Variants in PCNX1 observed in about 807,000 individuals in gnomAD.
The protein encoded by PCNX1 is pecanex 1.
Under a neutral mutation model 242.2 loss-of-function variants are expected in PCNX1, and 78 were observed. That is an observed-to-expected ratio of 0.32 (90% CI 0.27 to 0.39). The LOEUF is 0.39. Ranked by LOEUF, PCNX1 falls within the 10% of genes least tolerant of loss-of-function variation. The pLI is 1.00. For missense variants in PCNX1, 2,581 were observed against 2,856.5 expected, an observed-to-expected ratio of 0.90 and a Z score of 2.20; for synonymous variants, 1,024 against 1,032.9, an observed-to-expected ratio of 0.99 and a Z score of 0.17.
intron 26 of PCNX1, among the ~76,000 whole-genome samples, chr14:71,065,888 T>G (rs908080410): frequency 2.6e-5 from 4 of 152,186 alleles, no homozygotes; most frequent in African/African-American, 7.2e-5. Flanking sequence ...CCCCATTGCT[T>G]GTTTTTGTCA....
At chr14:71,071,219 G>A (rs2061578294) in intron 26 of PCNX1, among the ~76,000 whole-genome samples, 1 of 152,192 alleles carries the variant, frequency 6.6e-6, no homozygotes, top group Admixed American at 6.5e-5. Flanking sequence ...CTTCTCTCCA[G>A]ACCACTCAAA....
intron 10 of PCNX1, chr14:71,012,458 A>G (rs963167185): frequency 1.9e-5 from 3 of 159,650 alleles, no homozygotes; most frequent in Non-Finnish European, 4.2e-5. Flanking sequence ...ATTATTTACA[A>G]TAGGTTTATT....
At chr14:70,963,774 G>A (rs558685153) in intron 3 of PCNX1, among the ~76,000 whole-genome samples, 7 of 152,216 alleles carry the variant, frequency 4.6e-5, no homozygotes, top group African/African-American at 1.7e-4. Context: ...AACATGTACA[G>A]ATCTAAAATC....
chr14:71,097,964 T>C (rs1221198841), intron 30 of PCNX1, among the ~76,000 whole-genome samples: 2 of 152,234 alleles, frequency 1.3e-5, no homozygotes, highest in African/African-American at 4.8e-5. Flanking sequence ...TATTTGTATA[T>C]GGTGAAAGAT....
chr14:71,024,911 A>G (rs1361424580), intron 13 of PCNX1, among the ~76,000 whole-genome samples: 2 of 152,170 alleles, frequency 1.3e-5, no homozygotes, highest in Non-Finnish European at 2.9e-5. Flanking sequence ...ACTCTACTGT[A>G]ATGTTACTGT....
At position 70,978,250 on chromosome 14, in the gene PCNX1, G is replaced by C. The variant is rs777842298; in HGVS notation, c.1913G>C (p.Gly638Ala). The change falls in exon 6 of 36, where the codon GGC becomes GCC. Residue 638 changes from glycine (G) to alanine (A), a missense_variant. By Grantham distance (60) the Gly-to-Ala change is moderately conservative. This residue lies in a region of PCNX1 where 1,204 missense variants were observed against 1,216.7 expected (regional missense o/e 0.99). Transcript: ENST00000304743. ...TCTCATTCCTGTCAGTCTCCTGAGG[G>C]CAGATACAGTGCTCTAAAGACCAAA... ...TTSHSCQSPEGRYSALKTKHT... is the reference protein window; with the variant it reads ...TTSHSCQSPEARYSALKTKHT... 1 of 1,614,072 alleles carries C rather than the reference G, an allele frequency of 6.2e-7. No individual in the cohort carries two copies. Among genetic ancestry groups the C allele is most frequent in the Non-Finnish European group, 8.5e-7 (1 of 1,180,012 alleles).
At chr14:70,990,810 G>T (rs2059141869) in intron 7 of PCNX1, among the ~76,000 whole-genome samples, 2 of 152,056 alleles carry the variant, frequency 1.3e-5, no homozygotes, top group Admixed American at 1.3e-4. Context: ...TTTTCTTTCT[G>T]CTGATGGATT....
At chr14:71,003,243 C>G (rs947707315) in intron 8 of PCNX1, among the ~76,000 whole-genome samples, 3 of 151,824 alleles carry the variant, frequency 2.0e-5, no homozygotes, top group Non-Finnish European at 2.9e-5. Flanking sequence ...GCCACCGTGC[C>G]CAGCTATTTT....
chr14:70,948,678 T>C (rs536563987), intron 2 of PCNX1, among the ~76,000 whole-genome samples: 1 of 150,358 alleles, frequency 6.7e-6, no homozygotes. Flanking sequence ...TCTATATAGA[T>C]GTGTATATAT....
chr14:70,986,333 C>T (rs191453524), intron 6 of PCNX1, among the ~76,000 whole-genome samples: 2 of 152,276 alleles, frequency 1.3e-5, no homozygotes, highest in Admixed American at 1.3e-4. Context: ...TAACATTGTT[C>T]ACTGGATGCC....
chr14:70,995,767 A>G lies in PCNX1; in HGVS notation c.2471A>G (p.Gln824Arg). 6.2e-7 allele frequency: 1 copy of G among 1,614,108 alleles called. No individual in the cohort carries two copies. Among genetic ancestry groups the G allele is most frequent in the Admixed American group, 1.7e-5 (1 of 60,012 alleles). Reference sequence around the variant, plus strand: ...CTTCAAGATGGTCAGCAAGGCCAGCAGTCCACAGCCCAGGTCAAAGTCCAG... The same window carrying G: ...CTTCAAGATGGTCAGCAAGGCCAGCGGTCCACAGCCCAGGTCAAAGTCCAG... ...LSLQDGQQGQ[Q>R]STAQVKVQSR... is the part of the protein sequence containing the mutation. Residue 824 changes from glutamine (Q) to arginine (R), a missense_variant, in exon 8 of 36, where the codon CAG (glutamine) becomes CGG (arginine). Transcript: ENST00000304743.
intron 28 of PCNX1, among the ~76,000 whole-genome samples, chr14:71,083,795 T>A (rs144434200): frequency 9.2e-5 from 14 of 152,288 alleles, no homozygotes; most frequent in African/African-American, 2.6e-4. Context: ...GGTTAGAACA[T>A]GCTCCGTTAG....
chr14:70,921,903 A>C (rs1313423604), intron 1 of PCNX1, among the ~76,000 whole-genome samples: 1 of 152,138 alleles, frequency 6.6e-6, no homozygotes, highest in Non-Finnish European at 1.5e-5. Context: ...CAATATTTTT[A>C]ATTTGTCTAT....
intron 1 of PCNX1, among the ~76,000 whole-genome samples, chr14:70,932,162 A>T (rs958860831): frequency 6.6e-6 from 1 of 152,214 alleles, no homozygotes; most frequent in African/African-American, 2.4e-5. Flanking sequence ...CGAATAATCT[A>T]AATAAATTTA....
intron 19 of PCNX1, 48 bp downstream of exon 19, chr14:71,036,205 G>T (rs1441825482): frequency 1.7e-6 from 2 of 1,173,254 alleles, no homozygotes; most frequent in South Asian, 1.2e-5. Context: ...TTGAGACAGG[G>T]TCTCACTCTG....
chr14:71,053,392 A>T lies in PCNX1; in HGVS notation c.4577+1380A>T, dbSNP rs147579069. The T allele has an allele frequency of 9.7e-3, 3,964 of 408,714 alleles. 30 individuals are homozygous for T. The highest frequency in any genetic ancestry group is 0.013 in the Non-Finnish European group (2,641 of 209,796). The allele number at this position is 408,714 out of a possible 1,614,324, so 25.3% of individuals were successfully genotyped here. A position where few individuals can be genotyped will look rare whatever the true frequency, so the allele number is the denominator to read the frequency against. On this transcript the variant is annotated intron_variant, in intron 24 of 35. Coordinates refer to ENST00000304743, the MANE Select transcript of PCNX1 (RefSeq NM_014982.3). ...GAGTGCAATGGCGCCATCTTGATTC[A>T]CTGCAACCTCCGCCTCCCAGGTTCA...
chr14:71,113,511 G>C lies in PCNX1; in HGVS notation c.*3576G>C, dbSNP rs1439208812. 6.6e-6 allele frequency: 1 copy of C among 152,560 alleles called. No homozygotes were observed. Among genetic ancestry groups the C allele is most frequent in the African/African-American group, 2.4e-5 (1 of 41,410 alleles). The allele number at this position is 152,560 out of a possible 1,614,324, so 9.5% of individuals were successfully genotyped here. The stretch of plus-strand genomic sequence containing the variant: ...CATTTTTCAGCAAGTTTAGCTTATA[G>C]CCTTGATAAATTCCTCTGTGCTTCT... On this transcript the variant is annotated 3_prime_UTR_variant, in exon 36 of 36. Coordinates refer to ENST00000304743, the MANE Select transcript of PCNX1 (RefSeq NM_014982.3).
chr14:70,912,463 A>G (rs1176579393), intron 1 of PCNX1, among the ~76,000 whole-genome samples: 1 of 152,086 alleles, frequency 6.6e-6, no homozygotes, highest in African/African-American at 2.4e-5. Context: ...ACTGACATCC[A>G]GCTGCTACTC....
rs59216102 is a variant in PCNX1, at chr14:70,942,930, G to C, written c.154-3985G>C. 816 of 152,376 alleles carry C rather than the reference G, an allele frequency of 5.4e-3. 2 individuals carry two copies. Among genetic ancestry groups the C allele is most frequent in the Non-Finnish European group, 8.6e-3 (584 of 68,090 alleles). 9.4% of individuals were successfully genotyped at this position (152,376 alleles called of 1,614,324 possible). A position where few individuals can be genotyped will look rare whatever the true frequency, so the allele number is the denominator to read the frequency against. ...GTTCCCCCATGCTGTTCTTGAGATA[G>C]TGAGTTCTCACCAGATCTGATGGTT... On this transcript the variant is annotated intron_variant, in intron 1 of 35. Coordinates refer to ENST00000304743, the MANE Select transcript of PCNX1 (RefSeq NM_014982.3).
Sources: gnomAD v4.1 joint callset for allele counts (sites outside exome capture counted in the v4.1 genomes callset) on GRCh38, gnomAD v4.1.1 for gene constraint, gnomAD v4.1.1 regional missense constraint, MANE v1.5 for transcripts, NCBI Gene and HGNC (gene_info 2026-07-23, HGNC 2026-07-21) for gene names.